The following DCAF8 variants were observed in gnomAD, a reference collection of about 807,000 sequenced individuals.
DCAF8 encodes DDB1 and CUL4 associated factor 8.
Under a neutral mutation model 68.0 loss-of-function variants are expected in DCAF8, and 20 were observed. That is an observed-to-expected ratio of 0.29 (90% CI 0.21 to 0.43). The LOEUF (loss-of-function observed/expected upper bound fraction) is 0.43. Ranked by LOEUF, DCAF8 falls within the 20% of genes least tolerant of loss-of-function variation. The pLI, the probability that DCAF8 is intolerant of heterozygous loss-of-function variation, is 1.00. For synonymous variants in DCAF8, 230 were observed against 276.9 expected (o/e 0.83, Z 1.68); for missense variants, 460 against 771.0 (o/e 0.60, Z 4.78).
At position 160,216,667 on chromosome 1, in the gene DCAF8, T is replaced by C. The variant is rs1655130502; in HGVS notation, c.*925A>G. On this transcript the variant is annotated 3_prime_UTR_variant, in exon 14 of 14. Transcript: ENST00000368074. ...CCACACCATTACTCTTGTTCACTCT[T>C]AAGTCCCTTTATTGCATTCAGAGAA... 1 of 152,668 alleles carries C rather than the reference T, an allele frequency of 6.6e-6. No homozygotes were observed. Among genetic ancestry groups the C allele is most frequent in the South Asian group, 2.1e-4 (1 of 4,826 alleles). The allele number at this position is 152,668 out of a possible 1,614,324, so 9.5% of individuals were successfully genotyped here. A position where few individuals can be genotyped will look rare whatever the true frequency, so the allele number is the denominator to read the frequency against.
At chr1:160,254,541 C>G (rs1284230856) in intron 2 of DCAF8, among the ~76,000 whole-genome samples, 1 of 151,588 alleles carries the variant, frequency 6.6e-6, no homozygotes, top group African/African-American at 2.4e-5. Context: ...CGCCTGTAAT[C>G]CCCACACTTT....
At chr1:160,233,909 T>G (rs904341800) in intron 6 of DCAF8, among the ~76,000 whole-genome samples, 1 of 152,118 alleles carries the variant, frequency 6.6e-6, no homozygotes, top group Non-Finnish European at 1.5e-5. Context: ...ATGTTCACAT[T>G]AGAGGAAACA....
intron 6 of DCAF8, 48 bp from the exon 7 acceptor site, chr1:160,231,455 A>C (rs3747624): frequency 7.0e-7 from 1 of 1,431,626 alleles, no homozygotes; most frequent in Non-Finnish European, 9.9e-7. Flanking sequence ...AAAAGATCCA[A>C]ATGGTCATGG....
intron 7 of DCAF8, among the ~76,000 whole-genome samples, chr1:160,228,554 ATTAGC>A (rs1480781926): frequency 4.6e-5 from 7 of 151,586 alleles, no homozygotes; most frequent in South Asian, 2.1e-4. Flanking sequence ...CTAAGCAGGA[ATTAGC>A]TTAGCTTAGC....
At chr1:160,217,972 A>G (rs1466834951) in intron 13 of DCAF8, 1 of 516,088 alleles carries the variant, frequency 1.9e-6, no homozygotes, top group Non-Finnish European at 3.4e-6. Flanking sequence ...AACCAGCAGC[A>G]GGCCAACTGC....
intron 2 of DCAF8, 40 bp from the exon 3 acceptor site, chr1:160,244,074 C>T (rs888077132): frequency 6.8e-7 from 1 of 1,465,118 alleles, no homozygotes; most frequent in African/African-American, 1.4e-5. Flanking sequence ...AATTAGGAAA[C>T]CACCTGGGAA....
chr1:160,246,591 A>T (rs975093281), intron 2 of DCAF8, among the ~76,000 whole-genome samples: 1 of 152,188 alleles, frequency 6.6e-6, no homozygotes, highest in African/African-American at 2.4e-5. Flanking sequence ...CAGGAATTCA[A>T]GACCAGCCTG....
At chr1:160,223,680 T>C (rs1655372354) in intron 10 of DCAF8, among the ~76,000 whole-genome samples, 1 of 152,146 alleles carries the variant, frequency 6.6e-6, no homozygotes, top group Non-Finnish European at 1.5e-5. Flanking sequence ...GGCGGATCAC[T>C]TGAGCCCAGG....
Position 160,243,406 on chromosome 1 carries a change from CTTT to C in DCAF8, c.49+551_49+553del, listed in dbSNP as rs35258380. 7.2e-5 allele frequency among the ~76,000 whole-genome samples: 10 copies of C among 138,976 alleles called. No individual in the cohort carries two copies. In the East Asian group the frequency reaches 1.0e-3, roughly 14 times the overall value. The allele number at this position is 138,976 out of a possible 152,430, so 91.2% of individuals were successfully genotyped here. ...GTAACTTCATCCCTTATGTAATCAC[CTTT>C]TTTTTTTTTTTTTTTAAAAAGACGG... is the stretch of plus-strand genomic sequence containing the variant. On this transcript the variant is annotated intron_variant, in intron 3 of 13. Coordinates refer to ENST00000368074, the MANE Select transcript of DCAF8 (RefSeq NM_015726.4).
rs1491039786 is a variant in DCAF8, at chr1:160,236,402, GTATA to G, written c.959+729_959+732del. Among the ~76,000 whole-genome samples, 870 of 151,816 alleles carry G rather than the reference GTATA, an allele frequency of 5.7e-3. 11 individuals are homozygous for G. The highest frequency in any genetic ancestry group is 0.02 in the African/African-American group (807 of 41,354). ...TGTGTGTGTATATATGTGTACATGT[GTATA>G]TGTGTGTGTATATATGTGTGTGTGT... On this transcript the variant is annotated intron_variant, in intron 6 of 13. Coordinates refer to ENST00000368074, the MANE Select transcript of DCAF8 (RefSeq NM_015726.4).
intron 7 of DCAF8, 79 bp downstream of exon 7, chr1:160,231,218 C>T: frequency 1.0e-6 from 1 of 980,848 alleles, no homozygotes; most frequent in South Asian, 1.5e-5. Flanking sequence ...ATTCGTAACT[C>T]TCCATAAAGG....
At chr1:160,258,000 G>A (rs1656905743) in intron 2 of DCAF8, among the ~76,000 whole-genome samples, 1 of 152,264 alleles carries the variant, frequency 6.6e-6, no homozygotes, top group African/African-American at 2.4e-5. Context: ...AAAGTGCTGG[G>A]ATTACAGCCA....
chr1:160,251,774 G>C (rs1287848774), intron 2 of DCAF8, among the ~76,000 whole-genome samples: 1 of 152,126 alleles, frequency 6.6e-6, no homozygotes, highest in Non-Finnish European at 1.5e-5. Context: ...TGGCCGTATA[G>C]TGTTTATTAA....
chr1:160,254,732 A>G (rs1448269705), intron 2 of DCAF8, among the ~76,000 whole-genome samples: 2 of 152,176 alleles, frequency 1.3e-5, no homozygotes, highest in African/African-American at 4.8e-5. Flanking sequence ...GGAAGGTTTC[A>G]GTGAGCCAAG....
At chr1:160,228,456 T>C (rs1276590956) in intron 7 of DCAF8, among the ~76,000 whole-genome samples, 1 of 152,212 alleles carries the variant, frequency 6.6e-6, no homozygotes, top group Non-Finnish European at 1.5e-5. Context: ...CCTTTAGCAA[T>C]AAATTTTCAT....
At chr1:160,238,879 T>C (rs1328432672) in intron 4 of DCAF8, 132 bp from the exon 5 acceptor site, 5 of 1,066,696 alleles carry the variant, frequency 4.7e-6, no homozygotes, top group Non-Finnish European at 6.5e-6. Context: ...GCTTTCCTAC[T>C]CTTGTACAGC....
chr1:160,254,609 T>C (rs915264070), intron 2 of DCAF8, among the ~76,000 whole-genome samples: 1 of 151,854 alleles, frequency 6.6e-6, no homozygotes, highest in East Asian at 1.9e-4. Context: ...TTGGCCAACA[T>C]GGTAAAACCC....
chr1:160,254,321 CA>C (rs201875040), intron 2 of DCAF8, among the ~76,000 whole-genome samples: 3,122 of 115,380 alleles, frequency 0.027, 82 homozygotes, highest in East Asian at 0.078. Context: ...AACTCTGTCT[CA>C]AAAAAAAAAA....
intron 2 of DCAF8, among the ~76,000 whole-genome samples, chr1:160,249,534 T>C (rs1419788361): frequency 6.6e-6 from 1 of 152,192 alleles, no homozygotes; most frequent in African/African-American, 2.4e-5. Context: ...GGCTCAGACC[T>C]GTTATCCCAG....
Sources: gnomAD v4.1 joint callset for allele counts (sites outside exome capture counted in the v4.1 genomes callset) on GRCh38, gnomAD v4.1.1 for gene constraint, MANE v1.5 for transcripts, NCBI Gene and HGNC (gene_info 2026-07-23, HGNC 2026-07-21) for gene names.